Variants in TRPC6 observed in about 807,000 individuals in gnomAD.
TRPC6 encodes short transient receptor potential channel 6.
In TRPC6, 55 loss-of-function variants were observed where a neutral mutation model predicts 90.7. The ratio of observed to expected loss-of-function variants is 0.61; its 90% CI spans 0.49 to 0.76. The LOEUF is 0.76. TRPC6 is among the 30% of genes least tolerant of loss of function. The probability of loss-of-function intolerance (pLI) is 0.00; values close to 1 mark genes in which losing one functional copy is unlikely to be tolerated. For missense variants in TRPC6, 989 were observed against 1,122.7 expected, an observed-to-expected ratio of 0.88 and a Z score of 1.70; for synonymous variants, 393 against 393.0, an observed-to-expected ratio of 1.00 and a Z score of 0.00.
In TRPC6 at chr11:101,476,284, C is replaced by T. The variant is rs375402012; in HGVS notation, c.1744+17G>A. ...AATTCTGCATTTTTATTTATATTGACTGTACTGTAAACTCACCCAAATTGT... is the reference window on the plus strand; with the variant it reads ...AATTCTGCATTTTTATTTATATTGATTGTACTGTAAACTCACCCAAATTGT... On this transcript the variant is annotated intron_variant, in intron 6 of 12. Transcript: ENST00000344327. The T allele has an allele frequency of 2.5e-6, 4 of 1,604,216 alleles. No homozygotes were observed. The highest frequency in any genetic ancestry group is 3.4e-6 in the Non-Finnish European group (4 of 1,171,150).
At chr11:101,526,623 G>A (rs569532694) in intron 1 of TRPC6, among the ~76,000 whole-genome samples, 1 of 152,026 alleles carries the variant, frequency 6.6e-6, no homozygotes, top group Non-Finnish European at 1.5e-5. Context: ...AGCACTTTGG[G>A]AGGCCGAGGC....
chr11:101,471,528 T>C (rs1859292179), intron 8 of TRPC6, 142 bp from the exon 9 acceptor site: 1 of 891,676 alleles, frequency 1.1e-6, no homozygotes, highest in East Asian at 2.6e-5. Flanking sequence ...TTTTTCAAAA[T>C]GTTAACATTC....
chr11:101,563,714 G>C (rs923305538), intron 1 of TRPC6, among the ~76,000 whole-genome samples: 1 of 152,196 alleles, frequency 6.6e-6, no homozygotes, highest in East Asian at 1.9e-4. Flanking sequence ...AGAGGGGCAG[G>C]ATGGGAGGAG....
At chr11:101,574,773 C>T (rs1862037858) in intron 1 of TRPC6, among the ~76,000 whole-genome samples, 1 of 152,124 alleles carries the variant, frequency 6.6e-6, no homozygotes, top group Non-Finnish European at 1.5e-5. Context: ...TTATCTGTAA[C>T]AGTTTAGCTC....
At chr11:101,484,804 G>A (rs906876369) in intron 4 of TRPC6, among the ~76,000 whole-genome samples, 3 of 151,788 alleles carry the variant, frequency 2.0e-5, no homozygotes, top group Admixed American at 6.6e-5. Flanking sequence ...CTTATAATAC[G>A]TAATATCATG....
At chr11:101,544,684 A>T (rs1272854502) in intron 1 of TRPC6, among the ~76,000 whole-genome samples, 1 of 152,020 alleles carries the variant, frequency 6.6e-6, no homozygotes, top group African/African-American at 2.4e-5. Flanking sequence ...GAACAATGAG[A>T]ACACATGGAC....
intron 6 of TRPC6, 138 bp downstream of exon 6, chr11:101,476,163 A>G: frequency 1.4e-6 from 1 of 718,576 alleles, no homozygotes; most frequent in Non-Finnish European, 2.4e-6. Context: ...TCACATATAG[A>G]TGCTCATTCT....
chr11:101,535,287 A>G (rs1861016465), intron 1 of TRPC6, among the ~76,000 whole-genome samples: 3 of 152,214 alleles, frequency 2.0e-5, no homozygotes, highest in Non-Finnish European at 4.4e-5. Flanking sequence ...ATAATAACAT[A>G]AAAGTAAAGG....
chr11:101,455,862 T>C (rs1476532354), intron 10 of TRPC6, among the ~76,000 whole-genome samples: 1 of 152,190 alleles, frequency 6.6e-6, no homozygotes, highest in Non-Finnish European at 1.5e-5. Context: ...CAAGTATATA[T>C]TGAGGGTCCT....
chr11:101,504,742 C>A lies in TRPC6; in HGVS notation c.227G>T (p.Gly76Val). 2 of 1,602,050 alleles carry A rather than the reference C, an allele frequency of 1.2e-6. No individual in the cohort carries two copies. Among genetic ancestry groups the A allele is most frequent in the Non-Finnish European group, 1.7e-6 (2 of 1,174,150 alleles). The change falls in exon 2 of 13, where the codon GGG (glycine) becomes GTG (valine). Residue 76 changes from glycine (G) to valine (V), a missense_variant. Coordinates refer to ENST00000344327, the MANE Select transcript of TRPC6 (RefSeq NM_004621.6). The stretch of plus-strand genomic sequence containing the variant: ...TGGTCCTCGATTAGCTAACCTTCTC[C>A]CCTTCTCACGGAGAACTGTCTGCCG... ...HRRQTVLREK[G>V]RRLANRGPAY... is the part of the protein sequence containing the mutation.
At chr11:101,500,731 A>G (rs2136731864) in intron 2 of TRPC6, among the ~76,000 whole-genome samples, 1 of 152,248 alleles carries the variant, frequency 6.6e-6, no homozygotes, top group South Asian at 2.1e-4. Flanking sequence ...ATTTTAAGAG[A>G]CTTTACAATA....
chr11:101,460,935 G>A (rs1858991115), intron 10 of TRPC6, among the ~76,000 whole-genome samples: 1 of 152,070 alleles, frequency 6.6e-6, no homozygotes, highest in African/African-American at 2.4e-5. Context: ...AACATAATGG[G>A]CCATATTGTC....
intron 2 of TRPC6, among the ~76,000 whole-genome samples, chr11:101,501,473 C>G (rs986382751): frequency 1.3e-5 from 2 of 152,110 alleles, no homozygotes; most frequent in Non-Finnish European, 2.9e-5. Context: ...AACCTCACCT[C>G]AGAGACACCA....
At chr11:101,529,700 C>T (rs868827240) in intron 1 of TRPC6, among the ~76,000 whole-genome samples, 8 of 152,286 alleles carry the variant, frequency 5.3e-5, no homozygotes, top group Non-Finnish European at 7.3e-5. Context: ...AAGTCAATCA[C>T]AGTTGGCAGG....
chr11:101,544,878 T>TA (rs145301424), intron 1 of TRPC6, among the ~76,000 whole-genome samples: 16,461 of 151,452 alleles, frequency 0.11, 1,014 homozygotes, highest in Middle Eastern at 0.15. Flanking sequence ...TAAAGTATAA[T>TA]TAAAAAAAAT....
intron 10 of TRPC6, among the ~76,000 whole-genome samples, chr11:101,464,883 G>T (rs1220275831): frequency 6.6e-6 from 1 of 152,198 alleles, no homozygotes; most frequent in Non-Finnish European, 1.5e-5. Flanking sequence ...TTTCTTCATA[G>T]TGTCGATGGT....
chr11:101,458,556 T>C (rs1858935609), intron 10 of TRPC6, among the ~76,000 whole-genome samples: 1 of 152,194 alleles, frequency 6.6e-6, no homozygotes, highest in African/African-American at 2.4e-5. Context: ...ACTGTACATC[T>C]GAACAGCTAA....
chr11:101,558,963 G>GT lies in TRPC6; in HGVS notation c.170+24370dup, dbSNP rs960090576. ...ACTACACAACATTGATCTAGGCAAT[G>GT]TTTTTTTTGGATTTAAGCCCAAAAG... On this transcript the variant is annotated intron_variant, in intron 1 of 12. Coordinates refer to ENST00000344327, the MANE Select transcript of TRPC6 (RefSeq NM_004621.6). Among the ~76,000 whole-genome samples the GT allele has an allele frequency of 1.3e-4, 20 of 151,786 alleles. No homozygotes were observed. In the Middle Eastern group the frequency reaches 0.01, roughly 77 times the overall value.
At chr11:101,522,025 T>C (rs1380160339) in intron 1 of TRPC6, among the ~76,000 whole-genome samples, 2 of 152,148 alleles carry the variant, frequency 1.3e-5, no homozygotes, top group Non-Finnish European at 1.5e-5. Flanking sequence ...CTGTGGACTT[T>C]TGAGTTAATG....
Sources: allele counts gnomAD v4.1 joint callset (sites outside exome capture counted in the v4.1 genomes callset), GRCh38; gene constraint gnomAD v4.1.1; transcripts MANE v1.5; gene names NCBI Gene and HGNC (gene_info 2026-07-23, HGNC 2026-07-21).